ZGPAT: variants seen among roughly 807,000 people sequenced by gnomAD.
ZGPAT encodes the protein zinc finger CCCH-type and G-patch domain containing, also known as zinc finger CCCH-type with G patch domain-containing protein.
A neutral mutation model predicts 47.9 loss-of-function variants in ZGPAT; 39 were observed. That is an observed-to-expected ratio of 0.81 (90% CI 0.63 to 1.06). The LOEUF is 1.06. Ranked by LOEUF, ZGPAT falls within the 50% of genes least tolerant of loss-of-function variation. ZGPAT has a pLI of 0.00. For synonymous variants in ZGPAT, 348 were observed against 292.9 expected (o/e 1.19, Z -1.92); for missense variants, 717 against 681.4 (o/e 1.05, Z -0.58).
At chr20:63,730,318 G>A (rs1358445583) in intron 2 of ZGPAT, 1 of 152,176 alleles carries the variant, frequency 6.6e-6, no homozygotes, top group Non-Finnish European at 1.5e-5. Context: ...AAGAACAGTA[G>A]GCACTAGAAG....
At chr20:63,732,976 A>G (rs2091935743) in intron 2 of ZGPAT, among the ~76,000 whole-genome samples, 1 of 149,784 alleles carries the variant, frequency 6.7e-6, no homozygotes, top group African/African-American at 2.5e-5. Context: ...GTATGTGTGC[A>G]TGTGTATCTG....
intron 2 of ZGPAT, among the ~76,000 whole-genome samples, chr20:63,722,339 A>G (rs1234173231): frequency 1.3e-5 from 2 of 152,244 alleles, no homozygotes; most frequent in Non-Finnish European, 2.9e-5. Flanking sequence ...CCAGAGTTAC[A>G]GAAAAGTTTA....
intron 2 of ZGPAT, among the ~76,000 whole-genome samples, chr20:63,721,475 T>C (rs1758199): frequency 0.95 from 144,134 of 152,230 alleles, 68,277 homozygotes; most frequent in East Asian, 0.99. Flanking sequence ...CTTTACTTCT[T>C]GCTCCCATGG....
intron 2 of ZGPAT, among the ~76,000 whole-genome samples, chr20:63,732,177 A>G (rs1046975481): frequency 4.3e-5 from 6 of 139,800 alleles, no homozygotes; most frequent in Admixed American, 2.1e-4. Flanking sequence ...GTGACTGCAT[A>G]TGTGTGTGCA....
At chr20:63,716,496 T>A (rs951434473) in intron 2 of ZGPAT, among the ~76,000 whole-genome samples, 1 of 152,094 alleles carries the variant, frequency 6.6e-6, no homozygotes. Flanking sequence ...TTTTAGCAAT[T>A]TGAGTCATCT....
Position 63,709,170 on chromosome 20 carries a change from G to C in ZGPAT, c.584+6G>C, listed in dbSNP as rs1438696130. ...CGCTTTAAGGAGAACTGCAGGTAAA[G>C]CCCTTTGTTGTCAGATGCCAACCTT... On this transcript the variant is annotated splice_donor_region_variant and intron_variant, in intron 2 of 6. Coordinates refer to ENST00000355969, the MANE Select transcript of ZGPAT (RefSeq NM_181485.3). 1 of 1,607,292 alleles carries C rather than the reference G, an allele frequency of 6.2e-7. No individual in the cohort carries two copies. The highest frequency in any genetic ancestry group is 8.5e-7 in the Non-Finnish European group (1 of 1,179,986).
At chr20:63,732,428 TGTG>T (rs1568799696) in intron 2 of ZGPAT, among the ~76,000 whole-genome samples, 1 of 38,264 alleles carries the variant, frequency 2.6e-5, no homozygotes, top group Non-Finnish European at 5.7e-5. Flanking sequence ...GGGTGAGAGA[TGTG>T]TGCGCATGTG....
rs1465273637 is a variant in ZGPAT, at chr20:63,734,765, T to C, written c.932T>C (p.Val311Ala). 5.0e-6 allele frequency: 8 copies of C among 1,613,412 alleles called. No individual in the cohort carries two copies. Among genetic ancestry groups the C allele is most frequent in the Admixed American group, 1.7e-5 (1 of 59,916 alleles). Reference sequence around the variant, plus strand: ...AGCTCTGCCTTTGCTGGCTGGGAGGTGCACACGCGAGGTATAGGCTCCAGA... The same window carrying C: ...AGCTCTGCCTTTGCTGGCTGGGAGGCGCACACGCGAGGTATAGGCTCCAGA... ...TCSSAFAGWE[V>A]HTRGIGSRLL... is the part of the protein sequence containing the mutation. Residue 311 changes from valine (V) to alanine (A), a missense_variant, in exon 5 of 7, where the codon GTG becomes GCG. Physicochemically the swap from Val to Ala is moderately conservative, Grantham distance 64. Coordinates refer to ENST00000355969, the MANE Select transcript of ZGPAT (RefSeq NM_181485.3).
intron 2 of ZGPAT, among the ~76,000 whole-genome samples, chr20:63,721,649 C>T (rs538252171): frequency 1.3e-5 from 2 of 152,308 alleles, no homozygotes; most frequent in South Asian, 2.1e-4. Context: ...CCTCTTCCTT[C>T]CTAGGCTTTT....
chr20:63,719,246 T>A (rs1411224453), intron 2 of ZGPAT, among the ~76,000 whole-genome samples: 1 of 152,102 alleles, frequency 6.6e-6, no homozygotes, highest in Non-Finnish European at 1.5e-5. Flanking sequence ...TGTGGATCCC[T>A]CAATTTATAA....
At chr20:63,734,293 G>A (rs761590202) in intron 4 of ZGPAT, 6 of 286,020 alleles carry the variant, frequency 2.1e-5, no homozygotes, top group Non-Finnish European at 4.0e-5. Flanking sequence ...TGTTGGAGGT[G>A]TACCCAGGGA....
chr20:63,709,986 G>T (rs1235647793), intron 2 of ZGPAT, among the ~76,000 whole-genome samples: 1 of 151,576 alleles, frequency 6.6e-6, no homozygotes, highest in African/African-American at 2.4e-5. Context: ...TCAGCCTCCC[G>T]AGTAGCTGGG....
chr20:63,724,541 G>A (rs570782322), intron 2 of ZGPAT, among the ~76,000 whole-genome samples: 3 of 152,006 alleles, frequency 2.0e-5, no homozygotes, highest in East Asian at 3.9e-4. Context: ...GAAATTCAAA[G>A]AGAAAAAAAG....
At chr20:63,712,475 A>G (rs2091678673) in intron 2 of ZGPAT, among the ~76,000 whole-genome samples, 1 of 152,200 alleles carries the variant, frequency 6.6e-6, no homozygotes, top group Admixed American at 6.5e-5. Context: ...TTGTTTCTGG[A>G]TCCTTTGCAA....
At chr20:63,714,387 C>T (rs943280400) in intron 2 of ZGPAT, among the ~76,000 whole-genome samples, 1 of 148,294 alleles carries the variant, frequency 6.7e-6, no homozygotes, top group African/African-American at 2.5e-5. Context: ...GATCATGCCA[C>T]TCCACTCCAG....
At chr20:63,733,062 ATGTG>A (rs1258697030) in intron 2 of ZGPAT, among the ~76,000 whole-genome samples, 153 bp from the exon 3 acceptor site, 1 of 151,150 alleles carries the variant, frequency 6.6e-6, no homozygotes, top group East Asian at 1.9e-4. Flanking sequence ...GTGCGTGTGT[ATGTG>A]TGTGCGTGAG....
At chr20:63,728,429 C>G (rs887727981) in intron 2 of ZGPAT, among the ~76,000 whole-genome samples, 1 of 152,182 alleles carries the variant, frequency 6.6e-6, no homozygotes, top group Non-Finnish European at 1.5e-5. Context: ...AGGGTGTGCT[C>G]AAACACTCCT....
chr20:63,707,905 C>G (rs1429484804), upstream of ZGPAT: 1 of 152,800 alleles, frequency 6.5e-6, no homozygotes, highest in African/African-American at 2.4e-5. Flanking sequence ...GCTGCTGACC[C>G]CCGCTGACCT....
intron 5 of ZGPAT, 58 bp downstream of exon 5, chr20:63,734,882 G>A: frequency 6.6e-7 from 1 of 1,510,252 alleles, no homozygotes; most frequent in Non-Finnish European, 8.8e-7. Flanking sequence ...CCCAGGTCCA[G>A]CAGCCATCAG....
Sources: allele counts gnomAD v4.1 joint callset (sites outside exome capture counted in the v4.1 genomes callset), GRCh38; gene constraint gnomAD v4.1.1; transcripts MANE v1.5; gene names NCBI Gene and HGNC (gene_info 2026-07-23, HGNC 2026-07-21).